Variants in METTL25 observed in about 807,000 individuals in gnomAD.
METTL25 encodes the protein probable methyltransferase-like protein 25.
In METTL25, 64 loss-of-function variants were observed where a neutral mutation model predicts 71.6. The ratio of observed to expected loss-of-function variants is 0.89; its 90% CI spans 0.73 to 1.10. The LOEUF is 1.10. METTL25 is among the 50% of genes least tolerant of loss of function. The probability of loss-of-function intolerance (pLI) is 0.00; values close to 1 mark genes in which losing one functional copy is unlikely to be tolerated. For missense variants in METTL25, 807 were observed against 707.0 expected (o/e 1.14, Z -1.60); for synonymous variants, 287 against 250.3 (o/e 1.15, Z -1.38).
chr12:82,360,880 C>T lies in METTL25; in HGVS notation c.259+2056C>T, dbSNP rs756561594. Among the ~76,000 whole-genome samples, 2 of 152,102 alleles carry T rather than the reference C, an allele frequency of 1.3e-5. 1 individual carries two copies. Among genetic ancestry groups the T allele is most frequent in the South Asian group, 4.1e-4 (2 of 4,824 alleles). Reference sequence around the variant, plus strand: ...GTTCCTTCTGATGTTTGGATGTGTTCGGAGTTTCTTCCTTCTGGCGGGTTC... The same window carrying T: ...GTTCCTTCTGATGTTTGGATGTGTTTGGAGTTTCTTCCTTCTGGCGGGTTC... On this transcript the variant is annotated intron_variant, in intron 1 of 11. Coordinates refer to ENST00000248306, the MANE Select transcript of METTL25 (RefSeq NM_032230.3).
At chr12:82,442,619 T>A (rs1727068636) in intron 8 of METTL25, among the ~76,000 whole-genome samples, 10 of 152,064 alleles carry the variant, frequency 6.6e-5, no homozygotes, top group Admixed American at 6.6e-4. Context: ...AACAGCAACA[T>A]GAGTGATCCT....
intron 7 of METTL25, among the ~76,000 whole-genome samples, chr12:82,435,112 TTTTTTCTTTACTGACTTGA>T (rs1889820423): frequency 6.6e-6 from 1 of 151,496 alleles, no homozygotes. Flanking sequence ...GTTTGATAAA[TTTTTTCTTTACTGACTTGA>T]TTAACCATTA....
At chr12:82,416,099 T>C (rs78142431) in intron 5 of METTL25, among the ~76,000 whole-genome samples, 8,600 of 152,178 alleles carry the variant, frequency 0.057, 320 homozygotes, top group African/African-American at 0.11. Context: ...CAGTAGGGGC[T>C]CAGTCCATAT....
At chr12:82,392,539 G>A (rs1000491605) in intron 3 of METTL25, among the ~76,000 whole-genome samples, 1 of 151,822 alleles carries the variant, frequency 6.6e-6, no homozygotes, top group Admixed American at 6.6e-5. Context: ...ATCCCTTGTC[G>A]AATGGGTAGT....
At chr12:82,386,438 C>A (rs1285128667) in intron 1 of METTL25, among the ~76,000 whole-genome samples, 1 of 113,872 alleles carries the variant, frequency 8.8e-6, no homozygotes, top group Non-Finnish European at 2.0e-5. Context: ...TTCCTCCCTC[C>A]CTCCCTCCCT....
At chr12:82,378,742 A>T (rs78962898) in intron 1 of METTL25, among the ~76,000 whole-genome samples, 2 of 152,184 alleles carry the variant, frequency 1.3e-5, no homozygotes, top group African/African-American at 2.4e-5. Flanking sequence ...TAATAAACAA[A>T]CTGGCCAGGT....
At chr12:82,404,483 C>G (rs114602658) in intron 5 of METTL25, among the ~76,000 whole-genome samples, 1 of 152,038 alleles carries the variant, frequency 6.6e-6, no homozygotes, top group Non-Finnish European at 1.5e-5. Context: ...AGTTCTACAG[C>G]TTTTTAAATG....
At chr12:82,430,267 A>T (rs1221351550) in intron 5 of METTL25, among the ~76,000 whole-genome samples, 1 of 151,226 alleles carries the variant, frequency 6.6e-6, no homozygotes, top group Non-Finnish European at 1.5e-5. Context: ...TGTAACTATA[A>T]GTTGAGCAGT....
At chr12:82,368,671 C>A (rs1189523157) in intron 1 of METTL25, among the ~76,000 whole-genome samples, 1 of 152,120 alleles carries the variant, frequency 6.6e-6, no homozygotes, top group Non-Finnish European at 1.5e-5. Context: ...ATAAAAGATA[C>A]CTAGGGTTTC....
At chr12:82,454,018 A>G (rs1355763649) in intron 8 of METTL25, among the ~76,000 whole-genome samples, 2 of 152,138 alleles carry the variant, frequency 1.3e-5, no homozygotes, top group Non-Finnish European at 2.9e-5. Context: ...AGTGGTATAC[A>G]TGTCTCTCCA....
intron 1 of METTL25, among the ~76,000 whole-genome samples, chr12:82,365,835 C>G: frequency 6.6e-6 from 1 of 152,184 alleles, no homozygotes; most frequent in East Asian, 1.9e-4. Flanking sequence ...GCAATCCCAG[C>G]ACTTTGGGAG....
intron 5 of METTL25, among the ~76,000 whole-genome samples, chr12:82,420,818 A>AT (rs1888411433): frequency 1.3e-5 from 2 of 151,842 alleles, no homozygotes; most frequent in Non-Finnish European, 2.9e-5. Flanking sequence ...GAGAAGAAGG[A>AT]TTTTTTAAAC....
intron 7 of METTL25, among the ~76,000 whole-genome samples, chr12:82,436,728 A>G (rs932477357): frequency 2.6e-5 from 4 of 151,596 alleles, no homozygotes; most frequent in Non-Finnish European, 4.4e-5. Flanking sequence ...ATATAAATAC[A>G]TATTTATTTC....
chr12:82,410,389 A>G (rs1887463251), intron 5 of METTL25, among the ~76,000 whole-genome samples: 1 of 152,144 alleles, frequency 6.6e-6, no homozygotes, highest in Admixed American at 6.6e-5. Flanking sequence ...TCTATCTCAT[A>G]CAATATGTAT....
At chr12:82,388,177 A>G (rs1466976002) in intron 2 of METTL25, among the ~76,000 whole-genome samples, 1 of 152,134 alleles carries the variant, frequency 6.6e-6, no homozygotes, top group East Asian at 1.9e-4. Flanking sequence ...TCACATATCA[A>G]ATTAGGAAGC....
At chr12:82,369,734 C>G (rs1367080792) in intron 1 of METTL25, among the ~76,000 whole-genome samples, 2 of 152,122 alleles carry the variant, frequency 1.3e-5, no homozygotes, top group Non-Finnish European at 2.9e-5. Context: ...CACCCACGTC[C>G]TGCTGATTGG....
At chr12:82,360,244 T>A (rs572818296) in intron 1 of METTL25, among the ~76,000 whole-genome samples, 123 of 152,204 alleles carry the variant, frequency 8.1e-4, no homozygotes, top group Non-Finnish European at 1.4e-3. Flanking sequence ...GTCTTACATA[T>A]TCTAATAATA....
chr12:82,368,501 A>G (rs1369224076), intron 1 of METTL25, among the ~76,000 whole-genome samples: 1 of 152,122 alleles, frequency 6.6e-6, no homozygotes, highest in African/African-American at 2.4e-5. Context: ...AGCTAGCTTC[A>G]TGAATAGAAG....
intron 5 of METTL25, among the ~76,000 whole-genome samples, chr12:82,406,456 CATAAT>C (rs1887100053): frequency 1.3e-5 from 2 of 152,132 alleles, no homozygotes; most frequent in African/African-American, 2.4e-5. Context: ...CTTTTTTCCA[CATAAT>C]ATATTTTTTA....
Sources: gnomAD v4.1 joint callset for allele counts (sites outside exome capture counted in the v4.1 genomes callset) on GRCh38, gnomAD v4.1.1 for gene constraint, MANE v1.5 for transcripts, NCBI Gene and HGNC (gene_info 2026-07-23, HGNC 2026-07-21) for gene names.